Variants in RTN1 observed in about 807,000 individuals in gnomAD.
The protein encoded by RTN1 is reticulon-1.
In RTN1, 25 loss-of-function variants were observed where a neutral mutation model predicts 65.5. The observed-to-expected ratio is 0.38, with a 90% CI of 0.28 to 0.53. The LOEUF is 0.53. Ranked by LOEUF, RTN1 falls within the 20% of genes least tolerant of loss-of-function variation. The pLI, the probability that RTN1 is intolerant of heterozygous loss-of-function variation, is 0.79. For missense variants in RTN1, 983 were observed against 1,025.4 expected (o/e 0.96, Z 0.57); for synonymous variants, 471 against 447.6 (o/e 1.05, Z -0.66).
intron 1 of RTN1, among the ~76,000 whole-genome samples, chr14:59,782,832 T>TTC (rs367811693): frequency 6.6e-6 from 1 of 152,038 alleles, no homozygotes; most frequent in Admixed American, 6.6e-5. Context: ...TTGGTGCAGT[T>TTC]TCTCTCTCTC....
At chr14:59,775,719 A>C (rs918979668) in intron 1 of RTN1, among the ~76,000 whole-genome samples, 1 of 152,146 alleles carries the variant, frequency 6.6e-6, no homozygotes, top group African/African-American at 2.4e-5. Flanking sequence ...AATACTCTGC[A>C]CTCTGTATTT....
chr14:59,596,653 GA>G lies in RTN1; in HGVS notation c.*91del, dbSNP rs111703648. On this transcript the variant is annotated 3_prime_UTR_variant, in exon 9 of 9. Transcript: ENST00000267484. ...AGATTATGGTACTGGAGGGAGGGGG[GA>G]AAGACAATCAATTTGCAGTAATGAG... The G allele has an allele frequency of 8.8e-3, 8,602 of 981,274 alleles. 195 individuals are homozygous for G. Among genetic ancestry groups the G allele is most frequent in the African/African-American group, 0.074 (4,667 of 62,860 alleles). The allele number at this position is 981,274 out of a possible 1,614,324, so 60.8% of individuals were successfully genotyped here. A position where few individuals can be genotyped will look rare whatever the true frequency, so the allele number is the denominator to read the frequency against.
At chr14:59,733,490 A>C (rs937983483) in intron 2 of RTN1, among the ~76,000 whole-genome samples, 10 of 152,000 alleles carry the variant, frequency 6.6e-5, no homozygotes, top group African/African-American at 2.4e-4. Context: ...CATATTAGGG[A>C]CAGAGCTCTG....
intron 1 of RTN1, among the ~76,000 whole-genome samples, chr14:59,807,809 C>G (rs1222768535): frequency 6.6e-6 from 1 of 152,078 alleles, no homozygotes; most frequent in Non-Finnish European, 1.5e-5. Flanking sequence ...CAGCATTCAT[C>G]CAAAAAGAAG....
At chr14:59,652,471 A>C (rs1440086265) in intron 3 of RTN1, among the ~76,000 whole-genome samples, 1 of 152,260 alleles carries the variant, frequency 6.6e-6, no homozygotes, top group Non-Finnish European at 1.5e-5. Context: ...AATATGGTAC[A>C]TATACATCAT....
In RTN1 at chr14:59,684,323, C is replaced by T. The variant is rs187565185; in HGVS notation, c.1765+42596G>A. Among the ~76,000 whole-genome samples, 184 of 152,120 alleles carry T rather than the reference C, an allele frequency of 1.2e-3. 1 individual carries two copies. The highest frequency in any genetic ancestry group is 1.3e-3 in the Non-Finnish European group (86 of 67,940). On this transcript the variant is annotated intron_variant, in intron 3 of 8. Transcript: ENST00000267484. ...ATATCCTTTCCAGTTACTGATTTTTCACATTACTTTTACTGCCAAGATTTA... is the reference window on the plus strand; with the variant it reads ...ATATCCTTTCCAGTTACTGATTTTTTACATTACTTTTACTGCCAAGATTTA...
chr14:59,652,412 A>G (rs1220718020), intron 3 of RTN1, among the ~76,000 whole-genome samples: 1 of 152,250 alleles, frequency 6.6e-6, no homozygotes, highest in South Asian at 2.1e-4. Flanking sequence ...ACAATTACAA[A>G]GACATGGAAC....
intron 1 of RTN1, among the ~76,000 whole-genome samples, chr14:59,759,899 G>C (rs1162625307): frequency 6.6e-6 from 1 of 152,194 alleles, no homozygotes; most frequent in Non-Finnish European, 1.5e-5. Context: ...CACACTAGGA[G>C]GAGGCTGGGA....
chr14:59,767,673 C>A (rs1885874876), intron 1 of RTN1, among the ~76,000 whole-genome samples: 1 of 152,050 alleles, frequency 6.6e-6, no homozygotes, highest in South Asian at 2.1e-4. Context: ...GATGCTCAGG[C>A]CTCTATAAGG....
At chr14:59,863,034 T>G (rs1461423541) in intron 1 of RTN1, among the ~76,000 whole-genome samples, 1 of 152,148 alleles carries the variant, frequency 6.6e-6, no homozygotes, top group Non-Finnish European at 1.5e-5. Context: ...AGCCATGAAC[T>G]GTCCTCACCT....
intron 1 of RTN1, among the ~76,000 whole-genome samples, chr14:59,864,083 A>C (rs1887757082): frequency 6.6e-6 from 1 of 152,130 alleles, no homozygotes; most frequent in Non-Finnish European, 1.5e-5. Flanking sequence ...TTAAACTTAA[A>C]ACTGAACTCT....
At chr14:59,814,244 G>A (rs908103291) in intron 1 of RTN1, among the ~76,000 whole-genome samples, 3 of 152,122 alleles carry the variant, frequency 2.0e-5, no homozygotes, top group East Asian at 3.8e-4. Flanking sequence ...TAGGCACCTG[G>A]GGAATAAGAT....
rs1376001974 is a variant in RTN1 at position 59,635,912 on chromosome 14, CATT to C, written c.1766-28423_1766-28421del. On this transcript the variant is annotated intron_variant, in intron 3 of 8. Coordinates refer to ENST00000267484, the MANE Select transcript of RTN1 (RefSeq NM_021136.3). ...AATGAATCTACCTTGCATGAAATGA[CATT>C]ATTGAAGAACCTGCTGTACATCTTT... Among the ~76,000 whole-genome samples the C allele has an allele frequency of 2.0e-5, 3 of 152,052 alleles. No individual in the cohort carries two copies. The South Asian group carries it at 6.2e-4, about 32-fold the overall frequency.
chr14:59,764,393 T>C (rs996208474), intron 1 of RTN1, among the ~76,000 whole-genome samples: 2 of 151,920 alleles, frequency 1.3e-5, no homozygotes, highest in Non-Finnish European at 2.9e-5. Context: ...CAACCTCGGC[T>C]CACTGCAACC....
At chr14:59,629,990 TG>T (rs1882500273) in intron 3 of RTN1, among the ~76,000 whole-genome samples, 1 of 152,170 alleles carries the variant, frequency 6.6e-6, no homozygotes, top group Non-Finnish European at 1.5e-5. Context: ...AACCCTGAAA[TG>T]GGTGTGTCCC....
chr14:59,734,408 C>T (rs1282074714), intron 2 of RTN1, among the ~76,000 whole-genome samples: 2 of 152,070 alleles, frequency 1.3e-5, no homozygotes, highest in Non-Finnish European at 2.9e-5. Flanking sequence ...CAGAAGTAGG[C>T]TTCAGAAGGT....
chr14:59,618,413 A>G lies in RTN1; in HGVS notation c.1766-10921T>C, dbSNP rs191143276. The stretch of plus-strand genomic sequence containing the variant: ...GTGGCCCCTACCCAGGAACTGACTG[A>G]GCACAAGAAGACAGCTTTGACTTCC... On this transcript the variant is annotated intron_variant, in intron 3 of 8. Coordinates refer to ENST00000267484, the MANE Select transcript of RTN1 (RefSeq NM_021136.3). Among the ~76,000 whole-genome samples, 945 of 152,286 alleles carry G rather than the reference A, an allele frequency of 6.2e-3. 6 individuals carry two copies. Among genetic ancestry groups the G allele is most frequent in the African/African-American group, 0.021 (893 of 41,566 alleles).
chr14:59,720,212 G>C (rs1429559557), intron 3 of RTN1, among the ~76,000 whole-genome samples: 1 of 151,596 alleles, frequency 6.6e-6, no homozygotes, highest in East Asian at 1.9e-4. Flanking sequence ...TCTATCCAAG[G>C]CTGAGAAGGA....
chr14:59,673,447 GA>G (rs1883554646), intron 3 of RTN1, among the ~76,000 whole-genome samples: 1 of 152,134 alleles, frequency 6.6e-6, no homozygotes, highest in South Asian at 2.1e-4. Flanking sequence ...CAACCAAGAG[GA>G]ATAACATCTG....
Sources: gnomAD v4.1 joint callset for allele counts (sites outside exome capture counted in the v4.1 genomes callset) on GRCh38, gnomAD v4.1.1 for gene constraint, MANE v1.5 for transcripts, NCBI Gene and HGNC (gene_info 2026-07-23, HGNC 2026-07-21) for gene names.